Variants in CTNND2 observed in about 807,000 individuals in gnomAD.
CTNND2 encodes catenin delta-2.
In CTNND2, 22 loss-of-function variants were observed where a neutral mutation model predicts 144.4. That is an observed-to-expected ratio of 0.15 (90% CI 0.11 to 0.22). The LOEUF (loss-of-function observed/expected upper bound fraction) is 0.22, where lower values mean the gene tolerates loss of function less well. Among genes scored for constraint, CTNND2 ranks in the 10% least tolerant of loss-of-function variants. The probability of loss-of-function intolerance (pLI) is 1.00; values close to 1 mark genes in which losing one functional copy is unlikely to be tolerated. For synonymous variants in CTNND2, 751 were observed against 695.6 expected, an observed-to-expected ratio of 1.08 and a Z score of -1.25; for missense variants, 1,353 against 1,618.8, an observed-to-expected ratio of 0.84 and a Z score of 2.82.
chr5:11,068,972 G>A (rs557709247), intron 16 of CTNND2, among the ~76,000 whole-genome samples: 4 of 152,300 alleles, frequency 2.6e-5, no homozygotes, highest in South Asian at 4.1e-4. Flanking sequence ...GAACAGATCC[G>A]TTCTGGGGGT....
intron 1 of CTNND2, among the ~76,000 whole-genome samples, chr5:11,819,188 C>T (rs1488813519): frequency 6.6e-6 from 1 of 152,190 alleles, no homozygotes; most frequent in African/African-American, 2.4e-5. Flanking sequence ...AATCCCAGCA[C>T]TTTGGGAGGC....
At chr5:11,306,818 T>A (rs879729746) in intron 9 of CTNND2, among the ~76,000 whole-genome samples, 5 of 152,188 alleles carry the variant, frequency 3.3e-5, no homozygotes, top group Non-Finnish European at 5.9e-5. Context: ...GAGAATGAAG[T>A]GTGATCTTAA....
At chr5:11,055,849 A>G (rs1252144023) in intron 16 of CTNND2, among the ~76,000 whole-genome samples, 2 of 152,228 alleles carry the variant, frequency 1.3e-5, no homozygotes, top group African/African-American at 4.8e-5. Context: ...GATGGCAGGT[A>G]CTGCCACAAG....
At chr5:11,721,381 T>C (rs1581774700) in intron 2 of CTNND2, among the ~76,000 whole-genome samples, 1 of 151,988 alleles carries the variant, frequency 6.6e-6, no homozygotes, top group Non-Finnish European at 1.5e-5. Context: ...GCTGTTTTTT[T>C]TTAAATTCAC....
intron 1 of CTNND2, among the ~76,000 whole-genome samples, chr5:11,794,543 T>TACATG (rs1342426777): frequency 1.9e-4 from 29 of 152,220 alleles, no homozygotes; most frequent in African/African-American, 6.8e-4. Context: ...CTGTAGACTC[T>TACATG]TCTTTGTTTT....
At chr5:11,407,733 T>C (rs558012906) in intron 5 of CTNND2, among the ~76,000 whole-genome samples, 1 of 149,912 alleles carries the variant, frequency 6.7e-6, no homozygotes, top group Admixed American at 6.6e-5. Flanking sequence ...AGCTGGTTCA[T>C]AGCTAATGAA....
intron 2 of CTNND2, among the ~76,000 whole-genome samples, chr5:11,574,757 G>A (rs2150121150): frequency 6.6e-6 from 1 of 152,098 alleles, no homozygotes; most frequent in African/African-American, 2.4e-5. Context: ...AAGACAGAGA[G>A]GGGGTGTACA....
chr5:11,566,164 C>T (rs908460877), intron 2 of CTNND2, among the ~76,000 whole-genome samples: 1 of 152,162 alleles, frequency 6.6e-6, no homozygotes, highest in Non-Finnish European at 1.5e-5. Flanking sequence ...AATATCCTGG[C>T]TCTTTTCCAT....
chr5:11,454,093 T>C (rs1165046836), intron 3 of CTNND2, among the ~76,000 whole-genome samples: 5 of 152,326 alleles, frequency 3.3e-5, no homozygotes, highest in East Asian at 3.9e-4. Context: ...ATATTTTCTA[T>C]AACACTTCTT....
chr5:11,209,581 G>A (rs1253620448), intron 10 of CTNND2, among the ~76,000 whole-genome samples: 1 of 152,146 alleles, frequency 6.6e-6, no homozygotes, highest in African/African-American at 2.4e-5. Flanking sequence ...GAATGAATGA[G>A]GAGTCCTGAA....
At chr5:11,012,268 G>A (rs1396472897) in intron 18 of CTNND2, among the ~76,000 whole-genome samples, 1 of 152,134 alleles carries the variant, frequency 6.6e-6, no homozygotes, top group Admixed American at 6.5e-5. Flanking sequence ...GATGCCCACA[G>A]ACTTCATGAA....
intron 1 of CTNND2, among the ~76,000 whole-genome samples, chr5:11,738,508 TTGGAAGGCCAAACTCTC>T (rs1457221971): frequency 6.6e-6 from 1 of 152,208 alleles, no homozygotes; most frequent in Non-Finnish European, 1.5e-5. Context: ...TAACTGCATT[TTGGAAGGCCAAACTCTC>T]TAGCCGTCAA....
At position 11,641,083 on chromosome 5, in the gene CTNND2, A is replaced by T. The variant is rs563113672; in HGVS notation, c.175-76027T>A. On this transcript the variant is annotated intron_variant, in intron 2 of 21. Coordinates refer to ENST00000304623, the MANE Select transcript of CTNND2 (RefSeq NM_001332.4). ...GTGTCAGGAAGGTTTCTACAAAGAT[A>T]GCCATGCGTGTATTCAAGGTCGTTC... Among the ~76,000 whole-genome samples the T allele has an allele frequency of 4.6e-5, 7 of 152,320 alleles. No individual in the cohort carries two copies. In the South Asian group the frequency reaches 1.4e-3, roughly 32 times the overall value.
At position 11,787,521 on chromosome 5, in the gene CTNND2, T is replaced by G. The variant is rs138958629; in HGVS notation, c.38-55249A>C. ...AATCTGCCTGCAATTGATGTACTTA[T>G]TATGTAAAGCATTTGTAATGTTACC... On this transcript the variant is annotated intron_variant, in intron 1 of 21. Transcript: ENST00000304623. Among the ~76,000 whole-genome samples, 897 of 152,364 alleles carry G rather than the reference T, an allele frequency of 5.9e-3. 3 individuals are homozygous for G. The highest frequency in any genetic ancestry group is 0.011 in the Non-Finnish European group (727 of 68,030).
At chr5:11,403,246 C>T (rs1402189466) in intron 5 of CTNND2, among the ~76,000 whole-genome samples, 3 of 152,104 alleles carry the variant, frequency 2.0e-5, no homozygotes, top group African/African-American at 4.8e-5. Flanking sequence ...TGTTCCCTTC[C>T]CTGTGTCCAT....
At position 11,364,844 on chromosome 5, in the gene CTNND2, T is replaced by C. The variant is rs1318015021; in HGVS notation, c.1224A>G (p.Pro408=). Residue 408 remains proline (P), a synonymous_variant, in exon 8 of 22, where the codon CCA becomes CCG. Coordinates refer to ENST00000304623, the MANE Select transcript of CTNND2 (RefSeq NM_001332.4). The part of the protein sequence containing the change: ...SYSSQHGHLG[P]ELRALQSPEH... ...CTGGGGACTGCAGGGCCCGCAACTC[T>C]GGGCCCAGGTGCCCATGCTGGCTGC... is the stretch of plus-strand genomic sequence containing the variant. 4 of 1,613,632 alleles carry C rather than the reference T, an allele frequency of 2.5e-6. No individual in the cohort carries two copies. Among genetic ancestry groups the C allele is most frequent in the Non-Finnish European group, 3.4e-6 (4 of 1,179,774 alleles).
intron 1 of CTNND2, among the ~76,000 whole-genome samples, chr5:11,768,897 C>A (rs1789754149): frequency 6.6e-6 from 1 of 152,116 alleles, no homozygotes; most frequent in Non-Finnish European, 1.5e-5. Flanking sequence ...AGTTGTCTGG[C>A]CCAGACTTTT....
intron 1 of CTNND2, among the ~76,000 whole-genome samples, chr5:11,851,050 A>C (rs1001079871): frequency 1.3e-5 from 2 of 152,168 alleles, no homozygotes; most frequent in Non-Finnish European, 2.9e-5. Flanking sequence ...GGTCCCCCAA[A>C]ATCAGAATTC....
intron 12 of CTNND2, among the ~76,000 whole-genome samples, chr5:11,148,551 GT>G (rs1757455582): frequency 6.6e-6 from 1 of 152,214 alleles, no homozygotes; most frequent in African/African-American, 2.4e-5. Flanking sequence ...AGCTCAGTAA[GT>G]TTTAAAGACA....
Sources: allele counts gnomAD v4.1 joint callset (sites outside exome capture counted in the v4.1 genomes callset), GRCh38; gene constraint gnomAD v4.1.1; transcripts MANE v1.5; gene names NCBI Gene and HGNC (gene_info 2026-07-23, HGNC 2026-07-21).